UPRT: variants seen among roughly 807,000 people sequenced by gnomAD.
The protein encoded by UPRT is RP11-311P8.3.
In UPRT, 5 loss-of-function variants were observed where a neutral mutation model predicts 22.6. That is an observed-to-expected ratio of 0.22 (90% CI 0.12 to 0.47). UPRT has a LOEUF of 0.47. UPRT is among the 20% of genes least tolerant of loss of function. The probability of loss-of-function intolerance (pLI) is 0.99; values close to 1 mark genes in which losing one functional copy is unlikely to be tolerated. For missense variants in UPRT, 181 were observed against 239.9 expected, an observed-to-expected ratio of 0.75 and a Z score of 1.62; for synonymous variants, 77 against 87.7, an observed-to-expected ratio of 0.88 and a Z score of 0.68.
At chrX:75,277,204 G>A (rs1021183480) in intron 1 of UPRT, among the ~76,000 whole-genome samples, 4 of 111,460 alleles carry the variant, frequency 3.6e-5, no homozygotes, top group African/African-American at 9.8e-5. Context: ...ATTCACATAT[G>A]TGCCTTTTTT....
chrX:75,259,404 A>G (rs1026138419), intron 4 of UPRT, among the ~76,000 whole-genome samples: 2 of 109,344 alleles, frequency 1.8e-5, no homozygotes, highest in African/African-American at 6.6e-5. Context: ...ACCAGTTTAG[A>G]GATGAACAGA....
At chrX:75,242,165 G>A (rs1475156177) in intron 4 of UPRT, among the ~76,000 whole-genome samples, 1 of 111,565 alleles carries the variant, frequency 9.0e-6, no homozygotes, top group Non-Finnish European at 1.9e-5. Flanking sequence ...ACATATGCAA[G>A]GTGATACAAA....
At chrX:75,226,335 G>A (rs1254982142) in intron 4 of UPRT, among the ~76,000 whole-genome samples, 2 of 111,417 alleles carry the variant, frequency 1.8e-5, no homozygotes, top group Admixed American at 9.6e-5. Flanking sequence ...ACATGCCAGA[G>A]TGATTCTGTT....
At chrX:75,160,942 T>C (rs1224866223) in intron 2 of UPRT, among the ~76,000 whole-genome samples, 1 of 112,465 alleles carries the variant, frequency 8.9e-6, no homozygotes, top group Non-Finnish European at 1.9e-5. Context: ...TATGGGAAAG[T>C]ATATATGAAA....
At chrX:75,196,142 G>A (rs140185304) in intron 4 of UPRT, among the ~76,000 whole-genome samples, 2,418 of 111,710 alleles carry the variant, frequency 0.022, 73 homozygotes, top group African/African-American at 0.074. Flanking sequence ...TCCAATCCAC[G>A]AATATGAGTT....
rs756740145 is a variant in UPRT at position 75,248,461 on chromosome X, G to T, written c.-446-42563G>T. Among the ~76,000 whole-genome samples the T allele has an allele frequency of 2.7e-5, 3 of 111,986 alleles. No individual in the cohort carries two copies. The East Asian group carries it at 8.4e-4, about 31-fold the overall frequency. On this transcript the variant is annotated intron_variant, in intron 4 of 13. Transcript: ENST00000652605. ...ATCAACGGGAAGAAAGGGTATCAGCGATGGAAGACAAAATGAATGAAATGA... is the reference window on the plus strand; with the variant it reads ...ATCAACGGGAAGAAAGGGTATCAGCTATGGAAGACAAAATGAATGAAATGA...
At chrX:75,156,478 C>T in exon 1 of UPRT, 1 of 489,668 alleles carries the variant, frequency 2.0e-6, no homozygotes, top group South Asian at 3.0e-5. Flanking sequence ...CTTACACAAC[C>T]GGGAATATTG....
chrX:75,191,345 C>T (rs78357803), intron 4 of UPRT, among the ~76,000 whole-genome samples: 1 of 111,951 alleles, frequency 8.9e-6, no homozygotes, highest in Non-Finnish European at 1.9e-5. Flanking sequence ...GAAGCTTTGT[C>T]TCAGAGGGGT....
chrX:75,163,672 G>C (rs2082205988), intron 3 of UPRT, among the ~76,000 whole-genome samples: 1 of 111,970 alleles, frequency 8.9e-6, no homozygotes, highest in South Asian at 3.7e-4. Flanking sequence ...CCAAAAAGTA[G>C]AAACAACTTA....
At chrX:75,217,764 C>A (rs2082397526) in intron 4 of UPRT, among the ~76,000 whole-genome samples, 1 of 112,107 alleles carries the variant, frequency 8.9e-6, no homozygotes, top group African/African-American at 3.2e-5. Flanking sequence ...TTTGACAAAC[C>A]TGACAAAAAC....
At chrX:75,256,914 A>T (rs1355911186) in intron 4 of UPRT, among the ~76,000 whole-genome samples, 4 of 111,897 alleles carry the variant, frequency 3.6e-5, no homozygotes, top group Non-Finnish European at 7.5e-5. Flanking sequence ...GACAAGAAGG[A>T]TTAATGGCAG....
chrX:75,203,718 A>G (rs746663686), intron 4 of UPRT, among the ~76,000 whole-genome samples: 1 of 111,181 alleles, frequency 9.0e-6, no homozygotes, highest in South Asian at 3.8e-4. Flanking sequence ...ATGTGTTCCC[A>G]TGATGAGGCT....
At chrX:75,171,326 G>A (rs1299861681) in intron 4 of UPRT, among the ~76,000 whole-genome samples, 1 of 110,919 alleles carries the variant, frequency 9.0e-6, no homozygotes, top group Non-Finnish European at 1.9e-5. Context: ...CCTTGTCTTC[G>A]AGCTCTGAGG....
intron 4 of UPRT, among the ~76,000 whole-genome samples, chrX:75,268,006 G>T (rs770720397): frequency 3.6e-5 from 4 of 110,927 alleles, no homozygotes; most frequent in Non-Finnish European, 7.6e-5. Flanking sequence ...AAATTAGACC[G>T]CTAGCCAGAC....
chrX:75,232,368 C>A (rs1217315418), intron 4 of UPRT, among the ~76,000 whole-genome samples: 3 of 112,502 alleles, frequency 2.7e-5, no homozygotes, highest in African/African-American at 6.5e-5. Flanking sequence ...GGGGGAGGGG[C>A]GCCTGCCATT....
intron 4 of UPRT, among the ~76,000 whole-genome samples, chrX:75,252,043 C>A (rs1490433209): frequency 8.9e-6 from 1 of 112,194 alleles, no homozygotes; most frequent in East Asian, 2.8e-4. Context: ...CTTCCTTACA[C>A]CTTATACAAA....
At chrX:75,202,625 C>CA (rs2082350020) in intron 4 of UPRT, 1 of 111,304 alleles carries the variant, frequency 9.0e-6, no homozygotes, top group Non-Finnish European at 1.9e-5. Flanking sequence ...AAAATAGAAG[C>CA]AAAAAACAAG....
chrX:75,267,024 G>C (rs1315545419), intron 4 of UPRT, among the ~76,000 whole-genome samples: 1 of 111,533 alleles, frequency 9.0e-6, no homozygotes, highest in Non-Finnish European at 1.9e-5. Flanking sequence ...GTGGAAGACA[G>C]TATGGCGATT....
chrX:75,184,085 T>C (rs1451137155), intron 4 of UPRT, among the ~76,000 whole-genome samples: 1 of 112,109 alleles, frequency 8.9e-6, no homozygotes, highest in Non-Finnish European at 1.9e-5. Flanking sequence ...GTTTTAGACC[T>C]GAAGTCCTTG....
Sources: gnomAD v4.1 joint callset for allele counts (sites outside exome capture counted in the v4.1 genomes callset) on GRCh38, gnomAD v4.1.1 for gene constraint, MANE v1.5 for transcripts, NCBI Gene and HGNC (gene_info 2026-07-23, HGNC 2026-07-21) for gene names.